GIGYF2: variants seen among roughly 807,000 people sequenced by gnomAD.
GIGYF2 encodes the protein GRB10 interacting GYF protein 2, also known as GRB10-interacting GYF protein 2.
A neutral mutation model predicts 208.1 loss-of-function variants in GIGYF2; 25 were observed. That is an observed-to-expected ratio of 0.12 (90% CI 0.09 to 0.17). The LOEUF (loss-of-function observed/expected upper bound fraction) is 0.17, where lower values mean the gene tolerates loss of function less well. Among genes scored for constraint, GIGYF2 ranks in the 10% least tolerant of loss-of-function variants. The pLI, the probability that GIGYF2 is intolerant of heterozygous loss-of-function variation, is 1.00. For missense variants in GIGYF2, 1,302 were observed against 1,579.4 expected (o/e 0.82, Z 2.98); for synonymous variants, 534 against 543.8 (o/e 0.98, Z 0.25).
intron 9 of GIGYF2, 91 bp downstream of exon 9, chr2:232,787,420 T>TA: frequency 8.8e-7 from 1 of 1,134,962 alleles, no homozygotes; most frequent in Non-Finnish European, 1.3e-6. Flanking sequence ...TAAACTGGCT[T>TA]AAAAAATGTG....
intron 7 of GIGYF2, among the ~76,000 whole-genome samples, chr2:232,760,941 A>G (rs993762600): frequency 6.6e-6 from 1 of 151,850 alleles, no homozygotes; most frequent in Non-Finnish European, 1.5e-5. Context: ...AGTGGGGGCA[A>G]TTGCACAAAG....
chr2:232,802,922 CAG>C (rs1287660407), intron 14 of GIGYF2, among the ~76,000 whole-genome samples: 18 of 145,260 alleles, frequency 1.2e-4, no homozygotes, highest in African/African-American at 4.3e-4. Flanking sequence ...TTTTTAAAGA[CAG>C]AGTCTAGCTC....
intron 28 of GIGYF2, among the ~76,000 whole-genome samples, chr2:232,855,666 G>C (rs781220469): frequency 1.3e-4 from 20 of 152,156 alleles, no homozygotes; most frequent in Non-Finnish European, 2.2e-4. Context: ...TTTTTGACTG[G>C]TGGGAAGAAG....
intron 21 of GIGYF2, among the ~76,000 whole-genome samples, chr2:232,828,070 C>T (rs1701304170): frequency 6.6e-6 from 1 of 152,042 alleles, no homozygotes; most frequent in African/African-American, 2.4e-5. Flanking sequence ...CTCATTGCAG[C>T]CTTTATGTCC....
intron 8 of GIGYF2, chr2:232,776,688 C>G (rs540172457): frequency 1.0e-4 from 54 of 537,484 alleles, no homozygotes; most frequent in Non-Finnish European, 1.6e-4. Flanking sequence ...GAAAAGAATG[C>G]TGGTTTGTTA....
At chr2:232,776,626 G>A (rs1225125184) in intron 8 of GIGYF2, 1 of 627,366 alleles carries the variant, frequency 1.6e-6, no homozygotes, top group Non-Finnish European at 2.9e-6. Context: ...AGCTGAGGTT[G>A]ATGTGATTGG....
At chr2:232,748,449 AT>A (rs1402100293) in intron 4 of GIGYF2, among the ~76,000 whole-genome samples, 1 of 151,934 alleles carries the variant, frequency 6.6e-6, no homozygotes. Flanking sequence ...CGCTTGGCTA[AT>A]TTTTTTGTAT....
At chr2:232,796,351 C>T (rs1700223286) in intron 14 of GIGYF2, 130 bp downstream of exon 14, 5 of 716,096 alleles carry the variant, frequency 7.0e-6, no homozygotes, top group Non-Finnish European at 1.3e-5. Flanking sequence ...CGCACACACG[C>T]AGACTAGAAG....
Position 232,729,634 on chromosome 2 carries a change from T to C in GIGYF2, c.-43-5521T>C, listed in dbSNP as rs1697360148. 1.4e-5 allele frequency: 15 copies of C among 1,110,892 alleles called. No homozygotes were observed. In the East Asian group the frequency reaches 3.3e-4, roughly 24 times the overall value. 68.8% of individuals were successfully genotyped at this position (1,110,892 alleles called of 1,614,324 possible). A position where few individuals can be genotyped will look rare whatever the true frequency, so the allele number is the denominator to read the frequency against. On this transcript the variant is annotated intron_variant, in intron 2 of 28. Coordinates refer to ENST00000373563, the MANE Select transcript of GIGYF2 (RefSeq NM_001103146.3). ...CTTTATCATCTTCAACTTCACAACG[T>C]ATTTGAAGTTTCTTAATTCTGTATC...
At chr2:232,791,224 T>G (rs1031727142) in intron 11 of GIGYF2, 34 bp from the exon 12 acceptor site, 9 of 1,613,834 alleles carry the variant, frequency 5.6e-6, no homozygotes, top group Non-Finnish European at 7.6e-6. Flanking sequence ...ACCAAAACTT[T>G]CGTAAGTTCA....
chr2:232,856,959 T>A lies in GIGYF2; in HGVS notation c.*99T>A. ...ACTCACCATTTACTCTTTATCACTCTGCAACAAATCACAGAACCGATCATC... is the reference window on the plus strand; with the variant it reads ...ACTCACCATTTACTCTTTATCACTCAGCAACAAATCACAGAACCGATCATC... On this transcript the variant is annotated 3_prime_UTR_variant, in exon 29 of 29. Transcript: ENST00000373563. 1.2e-6 allele frequency: 1 copy of A among 849,322 alleles called. No homozygotes were observed. The highest frequency in any genetic ancestry group is 2.1e-6 in the Non-Finnish European group (1 of 483,122). The allele number at this position is 849,322 out of a possible 1,614,324, so 52.6% of individuals were successfully genotyped here.
At chr2:232,826,923 G>A (rs1413312613) in intron 21 of GIGYF2, among the ~76,000 whole-genome samples, 2 of 152,154 alleles carry the variant, frequency 1.3e-5, no homozygotes. Context: ...TCAACATCAA[G>A]CCAAGACCAT....
chr2:232,726,271 A>C (rs1697196805), intron 2 of GIGYF2, among the ~76,000 whole-genome samples: 1 of 151,070 alleles, frequency 6.6e-6, no homozygotes, highest in South Asian at 2.1e-4. Flanking sequence ...GGGGAGACTG[A>C]GGCAGAAGAC....
intron 19 of GIGYF2, among the ~76,000 whole-genome samples, chr2:232,816,574 T>C (rs1700917783): frequency 6.6e-6 from 1 of 152,188 alleles, no homozygotes; most frequent in Non-Finnish European, 1.5e-5. Context: ...GTGCATTCAA[T>C]TGAGACAGTC....
At chr2:232,785,076 A>G (rs917445215) in intron 8 of GIGYF2, among the ~76,000 whole-genome samples, 2 of 148,518 alleles carry the variant, frequency 1.3e-5, no homozygotes, top group African/African-American at 5.1e-5. Flanking sequence ...AGCCAAATAA[A>G]CAACTTCTTC....
chr2:232,817,032 G>A lies in GIGYF2; in HGVS notation c.2370G>A (p.Gln790=), dbSNP rs377029654. The change falls in exon 20 of 29, where the codon CAG becomes CAA. Residue 790 remains glutamine, a splice_region_variant and synonymous_variant. Transcript: ENST00000373563. ...AAGAAGAACTTGCCCGAAGGAAACA[G>A]GTATGTATCTGGGAACTCTGACCAT... ...REEEELARRK[Q]EEALRRQREQ... 1.9e-6 allele frequency: 3 copies of A among 1,608,844 alleles called. No homozygotes were observed. Among genetic ancestry groups the A allele is most frequent in the African/African-American group, 2.7e-5 (2 of 74,808 alleles).
chr2:232,856,721 A>T (rs1690590614), intron 28 of GIGYF2, 72 bp from the exon 29 acceptor site: 3 of 913,352 alleles, frequency 3.3e-6, no homozygotes, highest in Admixed American at 3.4e-5. Context: ...CTTACATTCC[A>T]GCTCACCGCC....
intron 19 of GIGYF2, 66 bp downstream of exon 19, chr2:232,815,803 T>C: frequency 2.4e-6 from 2 of 829,354 alleles, no homozygotes; most frequent in Non-Finnish European, 4.2e-6. Context: ...CATTGCTGTT[T>C]ATTCATCTCT....
At chr2:232,743,390 G>A (rs1698039603) in intron 3 of GIGYF2, among the ~76,000 whole-genome samples, 1 of 152,208 alleles carries the variant, frequency 6.6e-6, no homozygotes, top group Non-Finnish European at 1.5e-5. Flanking sequence ...AGAGAGGGTT[G>A]TATGGAGGAG....
Sources: gnomAD v4.1 joint callset for allele counts (sites outside exome capture counted in the v4.1 genomes callset) on GRCh38, gnomAD v4.1.1 for gene constraint, MANE v1.5 for transcripts, NCBI Gene and HGNC (gene_info 2026-07-23, HGNC 2026-07-21) for gene names.